The following CNTNAP2 variants were observed in gnomAD, a reference collection of about 807,000 sequenced individuals.
The protein encoded by CNTNAP2 is contactin-associated protein-like 2.
CNTNAP2 carries 98 observed loss-of-function variants against 155.2 expected under a neutral mutation model. That is an observed-to-expected ratio of 0.63 (90% CI 0.54 to 0.75). The LOEUF (loss-of-function observed/expected upper bound fraction) is 0.75, where lower values mean the gene tolerates loss of function less well. Ranked by LOEUF, CNTNAP2 falls within the 30% of genes least tolerant of loss-of-function variation. The pLI, the probability that CNTNAP2 is intolerant of heterozygous loss-of-function variation, is 0.00. For missense variants in CNTNAP2, 1,727 were observed against 1,688.1 expected (o/e 1.02, Z -0.40); for synonymous variants, 651 against 631.2 (o/e 1.03, Z -0.47).
rs149026010 is a variant in CNTNAP2, at chr7:146,546,335, A to T, written c.98-227936A>T. Among the ~76,000 whole-genome samples, 76 of 152,142 alleles carry T rather than the reference A, an allele frequency of 5.0e-4. 1 individual carries two copies. In the East Asian group the frequency reaches 0.014, roughly 28 times the overall value. On this transcript the variant is annotated intron_variant, in intron 1 of 23. Coordinates refer to ENST00000361727, the MANE Select transcript of CNTNAP2 (RefSeq NM_014141.6). ...TGCGTGTGGCATTCAAGTTTTCTAGAATGCAAAGATTGGTATTAGCAAGAG... is the reference window on the plus strand; with the variant it reads ...TGCGTGTGGCATTCAAGTTTTCTAGTATGCAAAGATTGGTATTAGCAAGAG...
At chr7:146,455,694 A>T (rs575796529) in intron 1 of CNTNAP2, among the ~76,000 whole-genome samples, 19 of 152,374 alleles carry the variant, frequency 1.2e-4, no homozygotes, top group African/African-American at 4.6e-4. Context: ...CAGTGGAAAA[A>T]TAATTTAATC....
intron 3 of CNTNAP2, among the ~76,000 whole-genome samples, chr7:146,928,506 G>A (rs1023271164): frequency 4.6e-5 from 7 of 152,188 alleles, no homozygotes; most frequent in South Asian, 2.1e-4. Context: ...CAGCATGAAC[G>A]ACGCAGAAGA....
rs1276190660 is a variant in CNTNAP2 at position 147,817,498 on chromosome 7, GT to G, written c.2099-86066del. ...GCAAAGACAACATATATGGCGCAGT[GT>G]ATATTGCTCAGTTGATGGGTGCACC... On this transcript the variant is annotated intron_variant, in intron 13 of 23. Coordinates refer to ENST00000361727, the MANE Select transcript of CNTNAP2 (RefSeq NM_014141.6). Among the ~76,000 whole-genome samples the G allele has an allele frequency of 3.9e-5, 6 of 152,290 alleles. No individual in the cohort carries two copies. In the East Asian group the frequency reaches 1.2e-3, roughly 29 times the overall value.
At chr7:146,874,963 T>A (rs749296562) in intron 3 of CNTNAP2, among the ~76,000 whole-genome samples, 1 of 152,220 alleles carries the variant, frequency 6.6e-6, no homozygotes, top group Non-Finnish European at 1.5e-5. Flanking sequence ...TCTAACTGCT[T>A]TGCACATGTT....
chr7:146,653,687 A>G (rs1321460867), intron 1 of CNTNAP2, among the ~76,000 whole-genome samples: 1 of 152,194 alleles, frequency 6.6e-6, no homozygotes, highest in Non-Finnish European at 1.5e-5. Flanking sequence ...GTACCCTTGT[A>G]TCATCATGAC....
At chr7:147,512,769 G>A (rs1056657856) in intron 11 of CNTNAP2, among the ~76,000 whole-genome samples, 5 of 152,052 alleles carry the variant, frequency 3.3e-5, no homozygotes, top group Admixed American at 3.3e-4. Context: ...TGTATAGCAA[G>A]CAAATAATAA....
chr7:147,602,267 T>C (rs914693317), intron 12 of CNTNAP2, among the ~76,000 whole-genome samples: 2 of 152,088 alleles, frequency 1.3e-5, no homozygotes, highest in East Asian at 1.9e-4. Context: ...TTTTCTTTAA[T>C]AAGATTTCAA....
chr7:147,049,117 A>G lies in CNTNAP2; in HGVS notation c.550+5063A>G, dbSNP rs184171565. On this transcript the variant is annotated intron_variant, in intron 4 of 23. Transcript: ENST00000361727. ...TTTTCCCATTGTCTCATAACAGGAAACAGAGCCCTCGTGACCTACTCATGT... is the reference window on the plus strand; with the variant it reads ...TTTTCCCATTGTCTCATAACAGGAAGCAGAGCCCTCGTGACCTACTCATGT... 7.2e-3 allele frequency among the ~76,000 whole-genome samples: 1,100 copies of G among 152,294 alleles called. 3 individuals carry two copies. The highest frequency in any genetic ancestry group is 0.011 in the Non-Finnish European group (759 of 68,026).
intron 3 of CNTNAP2, among the ~76,000 whole-genome samples, chr7:146,851,937 C>T (rs755488839): frequency 1.3e-5 from 2 of 152,044 alleles, no homozygotes; most frequent in African/African-American, 2.4e-5. Context: ...CCTCCCACCT[C>T]GGCCTCCCAA....
intron 13 of CNTNAP2, among the ~76,000 whole-genome samples, chr7:147,828,894 C>T (rs1005774726): frequency 2.0e-5 from 3 of 152,146 alleles, no homozygotes; most frequent in African/African-American, 7.2e-5. Context: ...AATCCTCCTA[C>T]ATAATAATGG....
intron 19 of CNTNAP2, among the ~76,000 whole-genome samples, chr7:148,221,402 C>T (rs926554201): frequency 1.3e-5 from 2 of 152,030 alleles, no homozygotes; most frequent in Non-Finnish European, 2.9e-5. Context: ...GTGTCCGATT[C>T]CAGACCCAAA....
chr7:147,230,279 G>A (rs1185959898), intron 8 of CNTNAP2, among the ~76,000 whole-genome samples: 1 of 151,350 alleles, frequency 6.6e-6, no homozygotes, highest in Non-Finnish European at 1.5e-5. Context: ...TATTTTTTGA[G>A]ACAGAGTCTC....
At chr7:148,211,735 C>T (rs1795555142) in intron 18 of CNTNAP2, among the ~76,000 whole-genome samples, 1 of 152,146 alleles carries the variant, frequency 6.6e-6, no homozygotes, top group Non-Finnish European at 1.5e-5. Context: ...TTTTGCTTTC[C>T]TATTTTAATT....
At chr7:146,904,557 C>T (rs1015763944) in intron 3 of CNTNAP2, among the ~76,000 whole-genome samples, 13 of 152,072 alleles carry the variant, frequency 8.5e-5, no homozygotes, top group South Asian at 2.1e-4. Context: ...CTGCAAGCTG[C>T]GCCTCCCAGG....
intron 14 of CNTNAP2, among the ~76,000 whole-genome samples, chr7:147,918,644 G>A (rs1371831052): frequency 1.3e-5 from 2 of 152,118 alleles, no homozygotes; most frequent in Non-Finnish European, 2.9e-5. Flanking sequence ...CGGTATTAAG[G>A]TGAAATCAAT....
chr7:146,836,768 G>A (rs1276701228), intron 2 of CNTNAP2, among the ~76,000 whole-genome samples: 2 of 152,030 alleles, frequency 1.3e-5, no homozygotes, highest in East Asian at 3.9e-4. Flanking sequence ...TTCCCTTAAG[G>A]TGAAAAACTT....
chr7:146,915,951 G>A (rs1199776602), intron 3 of CNTNAP2: 1 of 152,014 alleles, frequency 6.6e-6, no homozygotes, highest in South Asian at 2.1e-4. Context: ...TGTTGACTGT[G>A]GGTTTGTTAT....
chr7:147,316,826 T>A (rs745508633), intron 9 of CNTNAP2, among the ~76,000 whole-genome samples: 10 of 152,168 alleles, frequency 6.6e-5, no homozygotes, highest in Admixed American at 1.3e-4. Context: ...AAATGGAGTA[T>A]TATGCAGCCA....
At chr7:147,853,670 T>C (rs1798988609) in intron 13 of CNTNAP2, among the ~76,000 whole-genome samples, 2 of 152,330 alleles carry the variant, frequency 1.3e-5, no homozygotes, top group East Asian at 1.9e-4. Context: ...CAATTATTTC[T>C]GGATGAACCA....
Sources: allele counts gnomAD v4.1 joint callset (sites outside exome capture counted in the v4.1 genomes callset), GRCh38; gene constraint gnomAD v4.1.1; transcripts MANE v1.5; gene names NCBI Gene and HGNC (gene_info 2026-07-23, HGNC 2026-07-21).